Variants in CBLB observed in about 807,000 individuals in gnomAD.
CBLB encodes the protein E3 ubiquitin-protein ligase CBL-B.
CBLB carries 31 observed loss-of-function variants against 104.9 expected under a neutral mutation model. The ratio of observed to expected loss-of-function variants is 0.30; its 90% CI spans 0.22 to 0.40. The LOEUF (loss-of-function observed/expected upper bound fraction) is 0.40, where lower values mean the gene tolerates loss of function less well. Among genes scored for constraint, CBLB ranks in the 10% least tolerant of loss-of-function variants. CBLB has a pLI of 1.00. For synonymous variants in CBLB, 440 were observed against 422.6 expected (o/e 1.04, Z -0.51); for missense variants, 1,062 against 1,214.6 (o/e 0.87, Z 1.87).
intron 3 of CBLB, among the ~76,000 whole-genome samples, chr3:105,802,102 A>G (rs564572167): frequency 6.6e-6 from 1 of 152,382 alleles, no homozygotes; most frequent in East Asian, 1.9e-4. Flanking sequence ...CTAACATGAA[A>G]TAAATCTGAA....
rs1577376325 is a variant in CBLB at position 105,808,108 on chromosome 3, T to C, written c.420-31566A>G. Among the ~76,000 whole-genome samples the C allele has an allele frequency of 2.0e-5, 3 of 152,358 alleles. No individual in the cohort carries two copies. In the East Asian group the frequency reaches 5.8e-4, roughly 29 times the overall value. On this transcript the variant is annotated intron_variant, in intron 3 of 18. Transcript: ENST00000394030. ...AGCTTAACTATTTAAGCTTCAGTGC[T>C]AACACTTGTCTTCAACTGAGCCTTA...
intron 3 of CBLB, among the ~76,000 whole-genome samples, chr3:105,778,540 T>A (rs1326756906): frequency 6.6e-6 from 1 of 152,094 alleles, no homozygotes; most frequent in Non-Finnish European, 1.5e-5. Flanking sequence ...ATCAATAAAT[T>A]CATCTTCCTT....
chr3:105,820,887 T>C (rs73196307), intron 3 of CBLB, among the ~76,000 whole-genome samples: 1 of 152,258 alleles, frequency 6.6e-6, no homozygotes, highest in Non-Finnish European at 1.5e-5. Context: ...TTCTGTTCCT[T>C]TTTGTTCTTT....
At position 105,658,758 on chromosome 3, in the gene CBLB, A is replaced by T; in HGVS notation, c.*212T>A. On this transcript the variant is annotated 3_prime_UTR_variant, in exon 19 of 19. Transcript: ENST00000394030. ...ATTTTTGTCAGTTCAACCCTGATTTAAAAATATGGCTAGCAAAAACAAGGA... is the reference window on the plus strand; with the variant it reads ...ATTTTTGTCAGTTCAACCCTGATTTTAAAATATGGCTAGCAAAAACAAGGA... 2 of 583,814 alleles carry T rather than the reference A, an allele frequency of 3.4e-6. No individual in the cohort carries two copies. Among genetic ancestry groups the T allele is most frequent in the African/African-American group, 1.9e-5 (1 of 53,884 alleles). 36.2% of individuals were successfully genotyped at this position (583,814 alleles called of 1,614,324 possible).
intron 8 of CBLB, among the ~76,000 whole-genome samples, chr3:105,735,664 A>G (rs572225201): frequency 3.6e-4 from 55 of 152,326 alleles, no homozygotes; most frequent in Admixed American, 1.3e-3. Flanking sequence ...TAAAATGGCA[A>G]TCATGGCCGG....
chr3:105,709,707 T>C (rs1231195425), intron 10 of CBLB, among the ~76,000 whole-genome samples: 1 of 151,930 alleles, frequency 6.6e-6, no homozygotes, highest in Non-Finnish European at 1.5e-5. Context: ...CATAAAGAAA[T>C]CTTTAACCAT....
At chr3:105,860,359 A>G (rs1241560107) in intron 2 of CBLB, among the ~76,000 whole-genome samples, 1 of 152,226 alleles carries the variant, frequency 6.6e-6, no homozygotes, top group Non-Finnish European at 1.5e-5. Context: ...GAATTTGATA[A>G]TATCAAATAT....
At chr3:105,669,799 C>T (rs1325730539) in intron 18 of CBLB, among the ~76,000 whole-genome samples, 1 of 152,088 alleles carries the variant, frequency 6.6e-6, no homozygotes, top group Non-Finnish European at 1.5e-5. Flanking sequence ...AATGGTACAT[C>T]CTTCTATTTG....
chr3:105,703,640 C>T (rs755213473), intron 11 of CBLB, among the ~76,000 whole-genome samples: 15 of 152,134 alleles, frequency 9.9e-5, no homozygotes, highest in Non-Finnish European at 1.8e-4. Context: ...CTTGTCATGG[C>T]ACTATAAAAA....
chr3:105,836,266 C>A (rs2088477651), intron 3 of CBLB, among the ~76,000 whole-genome samples: 1 of 152,190 alleles, frequency 6.6e-6, no homozygotes, highest in African/African-American at 2.4e-5. Context: ...AGTCCAGCAG[C>A]CCCATCCTCT....
rs1348060240 is a variant in CBLB, at chr3:105,868,827, G to A, written c.-106C>T. On this transcript the variant is annotated 5_prime_UTR_variant, in exon 1 of 19. Coordinates refer to ENST00000394030, the MANE Select transcript of CBLB (RefSeq NM_170662.5). ...AGTGTGTGTGGGGAGCCCCGGCTGG[G>A]AGTGGGATCGCTGAGAACAGCTCGC... is the stretch of plus-strand genomic sequence containing the variant. The A allele has an allele frequency of 1.0e-6, 1 of 997,028 alleles. No homozygotes were observed. Among genetic ancestry groups the A allele is most frequent in the Non-Finnish European group, 1.2e-6 (1 of 837,988 alleles). 61.8% of individuals were successfully genotyped at this position (997,028 alleles called of 1,614,324 possible).
chr3:105,796,004 G>A (rs1358489918), intron 3 of CBLB, among the ~76,000 whole-genome samples: 1 of 152,104 alleles, frequency 6.6e-6, no homozygotes, highest in Non-Finnish European at 1.5e-5. Flanking sequence ...TTACAGGAGT[G>A]AGCCACTATG....
At chr3:105,669,896 C>T (rs1418728282) in intron 18 of CBLB, among the ~76,000 whole-genome samples, 1 of 152,060 alleles carries the variant, frequency 6.6e-6, no homozygotes, top group Admixed American at 6.6e-5. Flanking sequence ...ATAGAGATTG[C>T]TATAAAACAG....
chr3:105,845,475 G>A (rs897100430), intron 3 of CBLB, among the ~76,000 whole-genome samples: 1 of 151,082 alleles, frequency 6.6e-6, no homozygotes, highest in Non-Finnish European at 1.5e-5. Context: ...GCTAATGGTG[G>A]AATTCATTTT....
intron 18 of CBLB, among the ~76,000 whole-genome samples, chr3:105,663,024 C>T (rs1483308288): frequency 1.3e-5 from 2 of 152,178 alleles, no homozygotes; most frequent in Non-Finnish European, 2.9e-5. Context: ...ACGAGAGTTA[C>T]TACTGTTACT....
intron 5 of CBLB, among the ~76,000 whole-genome samples, chr3:105,751,052 C>A (rs2076548709): frequency 6.6e-6 from 1 of 152,106 alleles, no homozygotes; most frequent in African/African-American, 2.4e-5. Flanking sequence ...TCCCTTTTGA[C>A]CTAATAAACA....
In CBLB at chr3:105,681,591, G is replaced by A. The variant is rs747992689; in HGVS notation, c.2316C>T (p.Ala772=). 11 of 1,614,042 alleles carry A rather than the reference G, an allele frequency of 6.8e-6. No homozygotes were observed. The Middle Eastern group carries it at 8.2e-4, about 121-fold the overall frequency. Residue 772 remains alanine, a synonymous_variant, in exon 16 of 19, where the codon GCC becomes GCT. Transcript: ENST00000394030. The stretch of plus-strand genomic sequence containing the variant: ...CAGGTGGTAATGGCACGGGATCAGA[G>A]GCTGAATCAAAAACATCTCCTAGAG... ...IYLKGDVFDS[A]SDPVPLPPAR... is the part of the protein sequence containing the mutation.
chr3:105,765,169 G>A (rs911857440), intron 4 of CBLB, among the ~76,000 whole-genome samples: 10 of 152,284 alleles, frequency 6.6e-5, no homozygotes, highest in African/African-American at 2.4e-4. Flanking sequence ...AGATGAAACA[G>A]CCTTAAGATG....
intron 3 of CBLB, among the ~76,000 whole-genome samples, chr3:105,780,586 A>G (rs2080071503): frequency 6.6e-6 from 1 of 151,354 alleles, no homozygotes; most frequent in Admixed American, 6.6e-5. Flanking sequence ...TCCATTAACC[A>G]TCACATTTAT....
Sources: gnomAD v4.1 joint callset for allele counts (sites outside exome capture counted in the v4.1 genomes callset) on GRCh38, gnomAD v4.1.1 for gene constraint, MANE v1.5 for transcripts, NCBI Gene and HGNC (gene_info 2026-07-23, HGNC 2026-07-21) for gene names.